The following PPP1R21 variants were observed in gnomAD, a reference collection of about 807,000 sequenced individuals.
The protein encoded by PPP1R21 is protein phosphatase 1 regulatory subunit 21.
A neutral mutation model predicts 112.8 loss-of-function variants in PPP1R21; 85 were observed. The observed-to-expected ratio is 0.75, with a 90% CI of 0.63 to 0.90. The LOEUF (loss-of-function observed/expected upper bound fraction) is 0.90. Among genes scored for constraint, PPP1R21 ranks in the 40% least tolerant of loss-of-function variants. The probability of loss-of-function intolerance (pLI) is 0.00; values close to 1 mark genes in which losing one functional copy is unlikely to be tolerated. For missense variants in PPP1R21, 1,199 were observed against 901.5 expected (o/e 1.33, Z -4.23); for synonymous variants, 381 against 322.3 (o/e 1.18, Z -1.95).
intron 15 of PPP1R21, among the ~76,000 whole-genome samples, chr2:48,494,256 A>G (rs1312077728): frequency 1.0e-5 from 1 of 99,514 alleles, no homozygotes; most frequent in Non-Finnish European, 2.6e-5. Context: ...AAAAAAAAAA[A>G]AAAAAAAAAA....
chr2:48,493,717 A>T (rs1348397967), intron 15 of PPP1R21, among the ~76,000 whole-genome samples: 7 of 152,110 alleles, frequency 4.6e-5, no homozygotes, highest in Non-Finnish European at 1.0e-4. Context: ...TTGTCCTTGT[A>T]CCGTTTATTT....
At chr2:48,489,450 C>T (rs1345449869) in intron 14 of PPP1R21, among the ~76,000 whole-genome samples, 2 of 151,974 alleles carry the variant, frequency 1.3e-5, no homozygotes, top group Admixed American at 6.6e-5. Context: ...GCAGTGAGTC[C>T]TCCTACCTCG....
At chr2:48,510,235 T>C in intron 20 of PPP1R21, 122 bp downstream of exon 20, 1 of 575,196 alleles carries the variant, frequency 1.7e-6, no homozygotes, top group Non-Finnish European at 2.9e-6. Context: ...ATAACCACTG[T>C]ATTTCTGATT....
At chr2:48,486,126 C>T (rs549343861) in intron 13 of PPP1R21, among the ~76,000 whole-genome samples, 9 of 151,892 alleles carry the variant, frequency 5.9e-5, no homozygotes, top group Non-Finnish European at 1.2e-4. Context: ...GCGTCCAATC[C>T]GTATTTGGCT....
intron 16 of PPP1R21, among the ~76,000 whole-genome samples, chr2:48,498,132 C>T (rs963115350): frequency 1.3e-5 from 2 of 151,008 alleles, no homozygotes; most frequent in South Asian, 2.1e-4. Context: ...TCTTTGCCTT[C>T]TTCTCTGTTG....
In PPP1R21 at chr2:48,465,413, T is replaced by G. The variant is rs1668155170; in HGVS notation, c.748-80T>G. 29 of 1,275,854 alleles carry G rather than the reference T, an allele frequency of 2.3e-5. 1 individual carries two copies. In the South Asian group the frequency reaches 4.4e-4, roughly 19 times the overall value. The allele number at this position is 1,275,854 out of a possible 1,614,324, so 79.0% of individuals were successfully genotyped here. A position where few individuals can be genotyped will look rare whatever the true frequency, so the allele number is the denominator to read the frequency against. ...TAATCACACTAGGATTCAAATGTTT[T>G]CTCCAGATCAGACTCAATAAAGTTC... On this transcript the variant is annotated intron_variant, in intron 8 of 21. Transcript: ENST00000294952.
intron 18 of PPP1R21, 166 bp from the exon 19 acceptor site, chr2:48,507,103 A>T (rs766177115): frequency 9.4e-6 from 9 of 952,536 alleles, no homozygotes; most frequent in Non-Finnish European, 1.3e-5. Flanking sequence ...TGGAATATAC[A>T]CTTCCCTGCT....
At chr2:48,478,626 A>G (rs572158869) in intron 12 of PPP1R21, among the ~76,000 whole-genome samples, 1 of 152,328 alleles carries the variant, frequency 6.6e-6, no homozygotes, top group Non-Finnish European at 1.5e-5. Flanking sequence ...GGGTATAGTT[A>G]TAGACCTAGT....
intron 17 of PPP1R21, among the ~76,000 whole-genome samples, chr2:48,502,362 A>G (rs1670155957): frequency 6.6e-6 from 1 of 152,128 alleles, no homozygotes; most frequent in South Asian, 2.1e-4. Context: ...GCCGAAAATA[A>G]CCTGGAGTCT....
In PPP1R21 at chr2:48,442,925, T is replaced by G. The variant is rs1056709886; in HGVS notation, c.57+1915T>G. Among the ~76,000 whole-genome samples the G allele has an allele frequency of 3.3e-5, 5 of 152,162 alleles. No homozygotes were observed. In the South Asian group the frequency reaches 1.0e-3, roughly 31 times the overall value. Reference sequence around the variant, plus strand: ...TTAAGCAGGGGAGTGACATTACTTTTAGGAAGGACACTGATAACTGTGAAG... The same window carrying G: ...TTAAGCAGGGGAGTGACATTACTTTGAGGAAGGACACTGATAACTGTGAAG... On this transcript the variant is annotated intron_variant, in intron 1 of 21. Coordinates refer to ENST00000294952, the MANE Select transcript of PPP1R21 (RefSeq NM_001135629.3).
intron 9 of PPP1R21, among the ~76,000 whole-genome samples, chr2:48,468,836 T>TGTGTGC (rs1410364374): frequency 2.7e-5 from 4 of 148,766 alleles, no homozygotes; most frequent in African/African-American, 1.0e-4. Context: ...TGTATGTGTG[T>TGTGTGC]GTGTGTGTGT....
chr2:48,507,177 T>G, intron 18 of PPP1R21, 92 bp from the exon 19 acceptor site: 3 of 1,408,388 alleles, frequency 2.1e-6, no homozygotes, highest in Non-Finnish European at 2.8e-6. Flanking sequence ...CAAGTGAGAA[T>G]GTACAAAATG....
chr2:48,459,706 A>G (rs771510309), intron 4 of PPP1R21, 48 bp from the exon 5 acceptor site: 1 of 1,572,428 alleles, frequency 6.4e-7, no homozygotes, highest in Admixed American at 1.9e-5. Context: ...TTTCTCATTT[A>G]TGTATATTAG....
At chr2:48,474,397 A>G (rs1006771574) in intron 11 of PPP1R21, among the ~76,000 whole-genome samples, 1 of 152,192 alleles carries the variant, frequency 6.6e-6, no homozygotes, top group Admixed American at 6.5e-5. Context: ...AAAAAGAAAA[A>G]GAACATTAGA....
chr2:48,442,067 A>G (rs900076122), intron 1 of PPP1R21, among the ~76,000 whole-genome samples: 5 of 152,232 alleles, frequency 3.3e-5, no homozygotes, highest in African/African-American at 1.2e-4. Flanking sequence ...TGATGCTACC[A>G]TTAGCAAAAC....
chr2:48,454,734 A>G lies in PPP1R21; in HGVS notation c.266A>G (p.Lys89Arg), dbSNP rs777583676. The stretch of plus-strand genomic sequence containing the variant: ...GCTCTAAGTGAACCACGAGGCAAGA[A>G]AAACAAGGTAGGTTCAAATACAGGC... ...ELALSEPRGK[K>R]NKKSGESSSQ... The change falls in exon 3 of 22, where the codon AAA becomes AGA. Residue 89 changes from lysine (K) to arginine (R), a missense_variant. Physicochemically the swap from Lys to Arg is conservative, Grantham distance 26 (BLOSUM62 2). Transcript: ENST00000294952. 3.6e-5 allele frequency: 58 copies of G among 1,613,806 alleles called. No homozygotes were observed. The East Asian group carries it at 1.2e-3, about 33-fold the overall frequency.
At chr2:48,465,318 G>C (rs1373412486) in intron 8 of PPP1R21, among the ~76,000 whole-genome samples, 175 bp from the exon 9 acceptor site, 1 of 152,122 alleles carries the variant, frequency 6.6e-6, no homozygotes, top group African/African-American at 2.4e-5. Flanking sequence ...TGCCAAATTG[G>C]TGGCTTTCTA....
chr2:48,475,751 G>A (rs886348673), intron 12 of PPP1R21, among the ~76,000 whole-genome samples: 29 of 152,094 alleles, frequency 1.9e-4, no homozygotes, highest in Non-Finnish European at 2.9e-5. Flanking sequence ...GGAGGCTGAG[G>A]CAGGAGAATC....
At chr2:48,442,845 A>C (rs1306112526) in intron 1 of PPP1R21, among the ~76,000 whole-genome samples, 3 of 152,166 alleles carry the variant, frequency 2.0e-5, no homozygotes, top group Non-Finnish European at 2.9e-5. Flanking sequence ...AAGGTTGTGG[A>C]TGTCAAGTAA....
Sources: gnomAD v4.1 joint callset for allele counts (sites outside exome capture counted in the v4.1 genomes callset) on GRCh38, gnomAD v4.1.1 for gene constraint, MANE v1.5 for transcripts, NCBI Gene and HGNC (gene_info 2026-07-23, HGNC 2026-07-21) for gene names.